Variants in FRYL observed in about 807,000 individuals in gnomAD.
FRYL encodes FRY like transcription coactivator.
A neutral mutation model predicts 351.2 loss-of-function variants in FRYL; 150 were observed. The ratio of observed to expected loss-of-function variants is 0.43; its 90% confidence interval spans 0.37 to 0.49. FRYL has a LOEUF of 0.49. Among genes scored for constraint, FRYL ranks in the 20% least tolerant of loss-of-function variants. The pLI, the probability that FRYL is intolerant of heterozygous loss-of-function variation, is 0.00. For synonymous variants in FRYL, 1,153 were observed against 1,257.1 expected, an observed-to-expected ratio of 0.92 and a Z score of 1.75; for missense variants, 3,036 against 3,619.3, an observed-to-expected ratio of 0.84 and a Z score of 4.13.
intron 1 of FRYL, among the ~76,000 whole-genome samples, chr4:48,717,850 A>G (rs1769040672): frequency 6.6e-6 from 1 of 151,560 alleles, no homozygotes; most frequent in Non-Finnish European, 1.5e-5. Flanking sequence ...CTTAAGTTGT[A>G]CATTTTCAAT....
In FRYL at chr4:48,505,633, T is replaced by C; in HGVS notation, c.8395-18A>G. ...TCTAGCCACTAAAAATAAGTAACAG[T>C]AACGTTTAATATGCACAGTAAAATG... is the stretch of plus-strand genomic sequence containing the variant. On this transcript the variant is annotated intron_variant, in intron 59 of 63. Transcript: ENST00000358350. 1 of 1,518,838 alleles carries C rather than the reference T, an allele frequency of 6.6e-7. No homozygotes were observed. Among genetic ancestry groups the C allele is most frequent in the East Asian group, 2.3e-5 (1 of 44,296 alleles). The allele number at this position is 1,518,838 out of a possible 1,614,324, so 94.1% of individuals were successfully genotyped here.
chr4:48,529,112 G>A (rs1182211918), intron 50 of FRYL, among the ~76,000 whole-genome samples: 1 of 152,056 alleles, frequency 6.6e-6, no homozygotes, highest in East Asian at 1.9e-4. Flanking sequence ...TTATAGACCC[G>A]TGTTTTAGCC....
At chr4:48,681,733 G>C (rs1764637368) in intron 3 of FRYL, among the ~76,000 whole-genome samples, 2 of 152,166 alleles carry the variant, frequency 1.3e-5, no homozygotes, top group South Asian at 4.1e-4. Flanking sequence ...TAGTAATGGT[G>C]AAAACTTCAG....
At chr4:48,573,875 T>C in intron 25 of FRYL, among the ~76,000 whole-genome samples, 1 of 152,134 alleles carries the variant, frequency 6.6e-6, no homozygotes, top group Non-Finnish European at 1.5e-5. Context: ...TACACTAACA[T>C]AGTTAATTTT....
chr4:48,771,293 T>C (rs1229380071), intron 1 of FRYL, among the ~76,000 whole-genome samples: 3 of 152,206 alleles, frequency 2.0e-5, no homozygotes, highest in Non-Finnish European at 2.9e-5. Flanking sequence ...AAAGATAATT[T>C]TACCTCAAAG....
intron 1 of FRYL, among the ~76,000 whole-genome samples, chr4:48,715,876 A>C (rs561023176): frequency 6.6e-6 from 1 of 152,220 alleles, no homozygotes; most frequent in Non-Finnish European, 1.5e-5. Flanking sequence ...TTCAAACTAT[A>C]CTACAAGGCT....
At chr4:48,570,397 A>G (rs1054792387) in intron 27 of FRYL, among the ~76,000 whole-genome samples, 1 of 152,228 alleles carries the variant, frequency 6.6e-6, no homozygotes, top group African/African-American at 2.4e-5. Context: ...ATAGATAGCA[A>G]GTTCATTTGA....
chr4:48,542,380 A>C (rs1487651746), intron 44 of FRYL, among the ~76,000 whole-genome samples: 1 of 152,058 alleles, frequency 6.6e-6, no homozygotes, highest in African/African-American at 2.4e-5. Flanking sequence ...TCACATCTAA[A>C]CTGAATCCAC....
intron 7 of FRYL, among the ~76,000 whole-genome samples, chr4:48,614,510 TC>T (rs2149297891): frequency 6.6e-6 from 1 of 151,944 alleles, no homozygotes; most frequent in African/African-American, 2.4e-5. Flanking sequence ...TCACCTGAGG[TC>T]AGGAGTTCGT....
At chr4:48,732,164 C>G (rs1770793603) in intron 1 of FRYL, among the ~76,000 whole-genome samples, 1 of 152,166 alleles carries the variant, frequency 6.6e-6, no homozygotes, top group Non-Finnish European at 1.5e-5. Flanking sequence ...AGCCAACAGA[C>G]ATTTGAAAAA....
At chr4:48,592,085 TATATATA>T (rs1743445290) in intron 16 of FRYL, among the ~76,000 whole-genome samples, 2 of 15,640 alleles carry the variant, frequency 1.3e-4, no homozygotes, top group Admixed American at 1.6e-3. Context: ...AAAGCTCTTA[TATATATA>T]TATATATATA....
chr4:48,523,782 T>C (rs1355567477), intron 53 of FRYL, among the ~76,000 whole-genome samples: 2 of 152,244 alleles, frequency 1.3e-5, no homozygotes, highest in African/African-American at 4.8e-5. Flanking sequence ...GGTTTAATAC[T>C]TAGTACAATG....
chr4:48,681,151 C>G (rs2149539865), intron 3 of FRYL: 1 of 1,112,888 alleles, frequency 9.0e-7, no homozygotes, highest in Middle Eastern at 2.5e-4. Context: ...CATTACTAGG[C>G]CCACAAGCAC....
chr4:48,741,043 A>T (rs1208880826), intron 1 of FRYL, among the ~76,000 whole-genome samples: 2 of 152,140 alleles, frequency 1.3e-5, no homozygotes, highest in African/African-American at 2.4e-5. Flanking sequence ...AAAAAAAAAA[A>T]AGCAAGCTGT....
intron 1 of FRYL, among the ~76,000 whole-genome samples, chr4:48,748,250 A>C (rs1772880959): frequency 6.6e-6 from 1 of 152,176 alleles, no homozygotes; most frequent in Admixed American, 6.5e-5. Context: ...CGTTTCAAAA[A>C]AAAAATACTT....
intron 2 of FRYL, among the ~76,000 whole-genome samples, chr4:48,703,336 C>G (rs115869521): frequency 1.3e-5 from 2 of 152,144 alleles, no homozygotes; most frequent in African/African-American, 4.8e-5. Flanking sequence ...AACAAATAGG[C>G]ACCATCACCT....
chr4:48,550,989 T>TAG (rs1192176943), intron 37 of FRYL, among the ~76,000 whole-genome samples: 1 of 151,850 alleles, frequency 6.6e-6, no homozygotes, highest in African/African-American at 2.4e-5. Flanking sequence ...GGAGAATTGC[T>TAG]TGAACCTGGG....
chr4:48,623,334 T>C (rs1751062117), intron 4 of FRYL, among the ~76,000 whole-genome samples, 155 bp from the exon 5 acceptor site: 1 of 152,188 alleles, frequency 6.6e-6, no homozygotes, highest in Non-Finnish European at 1.5e-5. Flanking sequence ...AAGCCTCCTC[T>C]TTGCCCAAGG....
chr4:48,746,048 T>G (rs989441976), intron 1 of FRYL, among the ~76,000 whole-genome samples: 2 of 152,190 alleles, frequency 1.3e-5, no homozygotes, highest in Admixed American at 6.5e-5. Flanking sequence ...AAAGAAAATT[T>G]GGAACTACTG....
Sources: gnomAD v4.1 joint callset for allele counts (sites outside exome capture counted in the v4.1 genomes callset) on GRCh38, gnomAD v4.1.1 for gene constraint, MANE v1.5 for transcripts, NCBI Gene and HGNC (gene_info 2026-07-23, HGNC 2026-07-21) for gene names.